Variants in CABCOCO1 observed in about 807,000 individuals in gnomAD.
CABCOCO1 encodes ciliary-associated calcium-binding coiled-coil protein 1.
In CABCOCO1, 28 loss-of-function variants were observed where a neutral mutation model predicts 35.7. That is an observed-to-expected ratio of 0.78 (90% CI 0.58 to 1.07). The LOEUF (loss-of-function observed/expected upper bound fraction) is 1.07. Among genes scored for constraint, CABCOCO1 ranks in the 50% least tolerant of loss-of-function variants. The pLI, the probability that CABCOCO1 is intolerant of heterozygous loss-of-function variation, is 0.00. For synonymous variants in CABCOCO1, 95 were observed against 100.1 expected, an observed-to-expected ratio of 0.95 and a Z score of 0.30; for missense variants, 326 against 309.2, an observed-to-expected ratio of 1.05 and a Z score of -0.41.
intron 5 of CABCOCO1, among the ~76,000 whole-genome samples, chr10:61,705,494 G>C (rs914211366): frequency 3.3e-5 from 5 of 152,130 alleles, no homozygotes; most frequent in Admixed American, 1.3e-4. Context: ...TGTGACACTG[G>C]CTAGTAAAAC....
chr10:61,762,763 T>C (rs1027463583), intron 7 of CABCOCO1, among the ~76,000 whole-genome samples: 1 of 152,086 alleles, frequency 6.6e-6, no homozygotes, highest in Non-Finnish European at 1.5e-5. Flanking sequence ...AGCTGTGACC[T>C]GGGTTCTAGT....
intron 7 of CABCOCO1, among the ~76,000 whole-genome samples, chr10:61,762,488 A>G (rs926132464): frequency 4.6e-5 from 7 of 152,078 alleles, no homozygotes; most frequent in Non-Finnish European, 8.8e-5. Flanking sequence ...AGGTGCCACA[A>G]TCATTTCCAT....
chr10:61,669,661 T>G (rs1024724920), intron 1 of CABCOCO1, among the ~76,000 whole-genome samples: 5 of 152,076 alleles, frequency 3.3e-5, no homozygotes, highest in African/African-American at 1.2e-4. Flanking sequence ...TAAAAGATGA[T>G]TATATTAAGC....
At chr10:61,729,994 TCTC>T (rs1841263331) in intron 5 of CABCOCO1, among the ~76,000 whole-genome samples, 1 of 152,040 alleles carries the variant, frequency 6.6e-6, no homozygotes, top group East Asian at 1.9e-4. Context: ...GCTCTAGAGA[TCTC>T]CTGCGCAACA....
intron 3 of CABCOCO1, among the ~76,000 whole-genome samples, chr10:61,684,155 A>T (rs1461447630): frequency 6.6e-6 from 1 of 152,212 alleles, no homozygotes; most frequent in East Asian, 1.9e-4. Flanking sequence ...ACTTAGAATG[A>T]TATAGGAAAA....
chr10:61,681,295 C>A lies in CABCOCO1; in HGVS notation c.317C>A (p.Ser106Ter). The A allele has an allele frequency of 6.4e-7, 1 of 1,556,502 alleles. No individual in the cohort carries two copies. Among genetic ancestry groups the A allele is most frequent in the South Asian group, 1.2e-5 (1 of 86,656 alleles). ...YSKFMTLLAM[S>*]LQNLKTLHMS... is the part of the protein sequence containing the mutation. ...AAATTTATGACTTTACTAGCTATGTCACTTCAAAATCTTAAAAGTAAGTAC... is the reference window on the plus strand; with the variant it reads ...AAATTTATGACTTTACTAGCTATGTAACTTCAAAATCTTAAAAGTAAGTAC... Residue 106 changes from serine to a stop codon, truncating the protein, a stop_gained, in exon 3 of 8, where the codon TCA (serine) becomes TAA (stop). Coordinates refer to ENST00000648843, the MANE Select transcript of CABCOCO1 (RefSeq NM_001366906.2). LOFTEE classifies it high-confidence loss of function.
intron 5 of CABCOCO1, among the ~76,000 whole-genome samples, chr10:61,721,190 CT>C (rs1461398548): frequency 2.6e-5 from 4 of 151,640 alleles, no homozygotes; most frequent in Non-Finnish European, 5.9e-5. Context: ...TCCCAAAGTG[CT>C]GGGATTACAG....
At chr10:61,676,678 A>G (rs1475443423) in intron 2 of CABCOCO1, among the ~76,000 whole-genome samples, 2 of 152,206 alleles carry the variant, frequency 1.3e-5, no homozygotes, top group Non-Finnish European at 2.9e-5. Flanking sequence ...TAAGTATGTG[A>G]AAAACTTTTA....
intron 1 of CABCOCO1, among the ~76,000 whole-genome samples, chr10:61,666,247 T>C (rs1200138369): frequency 1.3e-5 from 2 of 152,188 alleles, no homozygotes; most frequent in Non-Finnish European, 2.9e-5. Flanking sequence ...AACTCGGGGC[T>C]CAATTGAGCA....
chr10:61,669,872 T>C (rs930123026), intron 1 of CABCOCO1, among the ~76,000 whole-genome samples: 2 of 152,166 alleles, frequency 1.3e-5, no homozygotes, highest in African/African-American at 4.8e-5. Context: ...TATTTATTCA[T>C]TATTAATATG....
intron 4 of CABCOCO1, among the ~76,000 whole-genome samples, chr10:61,688,916 C>G (rs537708714): frequency 4.9e-4 from 74 of 152,202 alleles, no homozygotes; most frequent in Admixed American, 1.4e-3. Context: ...TAAAGCTGGA[C>G]AAGGCCCTAG....
intron 5 of CABCOCO1, among the ~76,000 whole-genome samples, chr10:61,739,992 A>G (rs930906827): frequency 6.6e-6 from 1 of 152,210 alleles, no homozygotes; most frequent in African/African-American, 2.4e-5. Flanking sequence ...AACTACTTGG[A>G]TATAAACGAC....
intron 5 of CABCOCO1, among the ~76,000 whole-genome samples, chr10:61,736,422 A>G (rs1277603586): frequency 6.6e-6 from 1 of 151,970 alleles, no homozygotes; most frequent in African/African-American, 2.4e-5. Flanking sequence ...GCTTGTTTTT[A>G]TCAGCTTCAT....
chr10:61,753,837 T>C lies in CABCOCO1; in HGVS notation c.553-6222T>C, dbSNP rs1023198351. Among the ~76,000 whole-genome samples the C allele has an allele frequency of 3.3e-5, 5 of 152,134 alleles. No homozygotes were observed. In the East Asian group the frequency reaches 9.6e-4, roughly 29 times the overall value. On this transcript the variant is annotated intron_variant, in intron 5 of 7. Coordinates refer to ENST00000648843, the MANE Select transcript of CABCOCO1 (RefSeq NM_001366906.2). ...AGGAACTCTTCAAATAACGTGGTAT[T>C]GAATATATGTTTGATACTTTAAAGA...
chr10:61,691,725 T>C (rs547803775), intron 5 of CABCOCO1, among the ~76,000 whole-genome samples: 2 of 152,210 alleles, frequency 1.3e-5, no homozygotes, highest in Admixed American at 6.5e-5. Context: ...CTCCCACTTA[T>C]GAGTGAGAAC....
At chr10:61,671,965 C>T (rs1839374177) in intron 1 of CABCOCO1, among the ~76,000 whole-genome samples, 1 of 152,166 alleles carries the variant, frequency 6.6e-6, no homozygotes, top group South Asian at 2.1e-4. Context: ...TTTAAGATTG[C>T]CCACCATACC....
At chr10:61,685,746 G>A (rs1589120872) in intron 3 of CABCOCO1, among the ~76,000 whole-genome samples, 1 of 152,248 alleles carries the variant, frequency 6.6e-6, no homozygotes, top group East Asian at 1.9e-4. Flanking sequence ...TTTTTTTGTA[G>A]AGACAGGGTT....
At chr10:61,722,989 A>G (rs1841059831) in intron 5 of CABCOCO1, among the ~76,000 whole-genome samples, 2 of 152,262 alleles carry the variant, frequency 1.3e-5, no homozygotes, top group South Asian at 4.1e-4. Flanking sequence ...AAAGCTGTTC[A>G]CATTTTTTAT....
intron 5 of CABCOCO1, among the ~76,000 whole-genome samples, chr10:61,730,077 G>T (rs770205936): frequency 6.6e-6 from 1 of 151,514 alleles, no homozygotes; most frequent in Non-Finnish European, 1.5e-5. Flanking sequence ...CTCATGTTGC[G>T]TTCTCACCAC....
Sources: allele counts gnomAD v4.1 joint callset (sites outside exome capture counted in the v4.1 genomes callset), GRCh38; gene constraint gnomAD v4.1.1; transcripts MANE v1.5; gene names NCBI Gene and HGNC (gene_info 2026-07-23, HGNC 2026-07-21).